The following SLC30A7 variants were observed in gnomAD, a reference collection of about 807,000 sequenced individuals.
SLC30A7 encodes solute carrier family 30 member 7, also known as zinc transporter 7.
SLC30A7 carries 35 observed loss-of-function variants against 46.0 expected under a neutral mutation model. The observed-to-expected ratio is 0.76, with a 90% CI of 0.58 to 1.01. The LOEUF (loss-of-function observed/expected upper bound fraction) is 1.01. Among genes scored for constraint, SLC30A7 ranks in the 50% least tolerant of loss-of-function variants. The pLI is 0.00. For missense variants in SLC30A7, 464 were observed against 451.1 expected (o/e 1.03, Z -0.26); for synonymous variants, 147 against 157.8 (o/e 0.93, Z 0.51).
At chr1:100,945,782 T>C (rs554884676) in intron 8 of SLC30A7, among the ~76,000 whole-genome samples, 3 of 152,336 alleles carry the variant, frequency 2.0e-5, no homozygotes, top group Non-Finnish European at 2.9e-5. Flanking sequence ...TCTTTTTTGG[T>C]TCCATATGGA....
chr1:100,935,570 T>G (rs1295475187), intron 8 of SLC30A7, among the ~76,000 whole-genome samples: 3 of 152,242 alleles, frequency 2.0e-5, no homozygotes, highest in Non-Finnish European at 4.4e-5. Flanking sequence ...ATGTGATTTC[T>G]TAACTATCAT....
chr1:100,911,544 T>C (rs1304740228), intron 4 of SLC30A7, among the ~76,000 whole-genome samples: 1 of 152,144 alleles, frequency 6.6e-6, no homozygotes, highest in South Asian at 2.1e-4. Context: ...AGTATTTTTT[T>C]TAATTTTTTA....
chr1:100,923,156 A>G (rs1367739441), intron 8 of SLC30A7, among the ~76,000 whole-genome samples: 3 of 136,664 alleles, frequency 2.2e-5, no homozygotes, highest in Non-Finnish European at 4.8e-5. Flanking sequence ...AGCTGGGACT[A>G]CAGGCGCCCG....
intron 2 of SLC30A7, among the ~76,000 whole-genome samples, chr1:100,904,268 G>A (rs1365474862): frequency 3.3e-5 from 5 of 152,140 alleles, no homozygotes; most frequent in South Asian, 2.1e-4. Flanking sequence ...TCAAGTTCAC[G>A]GATTTCTTTC....
At chr1:100,956,636 A>G (rs1655241708) in intron 8 of SLC30A7, among the ~76,000 whole-genome samples, 1 of 152,218 alleles carries the variant, frequency 6.6e-6, no homozygotes, top group East Asian at 1.9e-4. Context: ...ACTAAACCTG[A>G]ATATTCTAAA....
intron 9 of SLC30A7, among the ~76,000 whole-genome samples, chr1:100,965,014 A>G (rs1165666032): frequency 6.6e-6 from 1 of 152,254 alleles, no homozygotes; most frequent in Non-Finnish European, 1.5e-5. Context: ...TTTGATAGAT[A>G]TAAGATCAAC....
At chr1:100,915,217 C>CT (rs1264262518) in intron 6 of SLC30A7, among the ~76,000 whole-genome samples, 22 of 67,416 alleles carry the variant, frequency 3.3e-4, no homozygotes, top group Non-Finnish European at 4.8e-4. Context: ...TTCTTTCTTT[C>CT]TTTCTTTCTT....
intron 6 of SLC30A7, among the ~76,000 whole-genome samples, chr1:100,916,777 C>T (rs1408238937): frequency 1.4e-5 from 2 of 147,060 alleles, no homozygotes; most frequent in African/African-American, 2.5e-5. Flanking sequence ...CCTTCCCAGC[C>T]TCTGGTAACC....
intron 5 of SLC30A7, among the ~76,000 whole-genome samples, chr1:100,912,994 G>A (rs765876958): frequency 2.0e-4 from 31 of 151,962 alleles, no homozygotes; most frequent in Admixed American, 4.6e-4. Flanking sequence ...CTGGTATTTA[G>A]AATTTTTGTA....
the SLC30A7 span, chr1:100,989,623 T>C: frequency 6.6e-6 from 1 of 152,220 alleles, no homozygotes; most frequent in East Asian, 1.9e-4. Context: ...TATAAACATA[T>C]TTTGTGAACA....
intron 8 of SLC30A7, among the ~76,000 whole-genome samples, chr1:100,958,539 A>G (rs770399135): frequency 6.6e-6 from 1 of 151,982 alleles, no homozygotes; most frequent in Non-Finnish European, 1.5e-5. Flanking sequence ...TGAGGCATTT[A>G]CTGTTGCTGG....
At chr1:100,928,244 G>C (rs900089040) in intron 8 of SLC30A7, among the ~76,000 whole-genome samples, 1 of 152,118 alleles carries the variant, frequency 6.6e-6, no homozygotes, top group Non-Finnish European at 1.5e-5. Flanking sequence ...AGTAGGAACT[G>C]TGATAAATAG....
At chr1:100,896,515 G>A in intron 1 of SLC30A7, 55 bp from the exon 2 acceptor site, 1 of 1,536,292 alleles carries the variant, frequency 6.5e-7, no homozygotes, top group Admixed American at 1.7e-5. Flanking sequence ...CCCAGCCTCG[G>A]GGTCCCGGCA....
At chr1:100,939,364 TTA>T (rs200253209) in intron 8 of SLC30A7, among the ~76,000 whole-genome samples, 1 of 152,112 alleles carries the variant, frequency 6.6e-6, no homozygotes, top group Non-Finnish European at 1.5e-5. Context: ...TCAATGTTCT[TTA>T]TATATATAAA....
In SLC30A7 at chr1:100,979,605, G is replaced by A. The variant is rs1221922371; in HGVS notation, c.*4748G>A. On this transcript the variant is annotated 3_prime_UTR_variant, in exon 11 of 11. Transcript: ENST00000357650. ...TTATTAAGTATTTATGTGCCAGGCG[G>A]TTAGTGTGGCCTTCATGTTATTACA... is the stretch of plus-strand genomic sequence containing the variant. 6.6e-6 allele frequency: 1 copy of A among 152,244 alleles called. No homozygotes were observed. Among genetic ancestry groups the A allele is most frequent in the Admixed American group, 6.5e-5 (1 of 15,292 alleles). The allele number at this position is 152,244 out of a possible 1,614,324, so 9.4% of individuals were successfully genotyped here. A position where few individuals can be genotyped will look rare whatever the true frequency, so the allele number is the denominator to read the frequency against.
At chr1:100,987,666 C>CT in the SLC30A7 span, among the ~76,000 whole-genome samples, 1 of 137,100 alleles carries the variant, frequency 7.3e-6, no homozygotes, top group Non-Finnish European at 1.6e-5. Flanking sequence ...CTGTTGTCTG[C>CT]TCTTTTTTTT....
At chr1:100,959,393 A>G (rs1655416212) in intron 8 of SLC30A7, among the ~76,000 whole-genome samples, 1 of 152,214 alleles carries the variant, frequency 6.6e-6, no homozygotes, top group African/African-American at 2.4e-5. Flanking sequence ...TGGTTTAGGA[A>G]CCTGGGCATA....
chr1:100,960,886 T>C (rs1315216361), intron 8 of SLC30A7, among the ~76,000 whole-genome samples: 2 of 151,628 alleles, frequency 1.3e-5, no homozygotes, highest in Non-Finnish European at 2.9e-5. Flanking sequence ...GGATATGTGC[T>C]AGATTAGAAA....
At chr1:100,923,927 C>G (rs1352790613) in intron 8 of SLC30A7, among the ~76,000 whole-genome samples, 1 of 152,150 alleles carries the variant, frequency 6.6e-6, no homozygotes, top group Non-Finnish European at 1.5e-5. Context: ...ACTGTTACAA[C>G]TATACCTGTT....
Sources: allele counts gnomAD v4.1 joint callset (sites outside exome capture counted in the v4.1 genomes callset), GRCh38; gene constraint gnomAD v4.1.1; transcripts MANE v1.5; gene names NCBI Gene and HGNC (gene_info 2026-07-23, HGNC 2026-07-21).